GRID2: variants seen among roughly 807,000 people sequenced by gnomAD.
The protein encoded by GRID2 is glutamate ionotropic receptor delta type subunit 2.
GRID2 carries 33 observed loss-of-function variants against 114.8 expected under a neutral mutation model. The observed-to-expected ratio is 0.29, with a 90% CI of 0.22 to 0.38. The LOEUF (loss-of-function observed/expected upper bound fraction) is 0.38. Among genes scored for constraint, GRID2 ranks in the 10% least tolerant of loss-of-function variants. The pLI is 1.00. For synonymous variants in GRID2, 505 were observed against 449.9 expected (o/e 1.12, Z -1.55); for missense variants, 1,184 against 1,257.7 (o/e 0.94, Z 0.89).
chr4:93,099,003 G>GTGTGTGTGTA (rs1454081017), intron 3 of GRID2, among the ~76,000 whole-genome samples: 1 of 150,610 alleles, frequency 6.6e-6, no homozygotes, highest in Non-Finnish European at 1.5e-5. Flanking sequence ...GTGTGTGTGT[G>GTGTGTGTGTA]TGTGTGTGTG....
At chr4:92,746,874 C>T (rs1280929738) in intron 2 of GRID2, among the ~76,000 whole-genome samples, 1 of 152,018 alleles carries the variant, frequency 6.6e-6, no homozygotes, top group Non-Finnish European at 1.5e-5. Context: ...TTCCTTTAAC[C>T]CATCGGGCCT....
At chr4:93,331,057 T>C (rs2149227967) in intron 8 of GRID2, among the ~76,000 whole-genome samples, 1 of 151,848 alleles carries the variant, frequency 6.6e-6, no homozygotes, top group East Asian at 1.9e-4. Context: ...TTCAAAACTC[T>C]CCAAAATCTC....
At chr4:93,484,954 A>G (rs1726239197) in intron 11 of GRID2, among the ~76,000 whole-genome samples, 1 of 151,868 alleles carries the variant, frequency 6.6e-6, no homozygotes, top group South Asian at 2.1e-4. Context: ...AATGGGGGAA[A>G]TTTCTGTATT....
rs1296573614 is a variant in GRID2 at position 93,644,164 on chromosome 4, CT to C, written c.2360+17731del. On this transcript the variant is annotated intron_variant, in intron 14 of 15. Transcript: ENST00000282020. ...CCAGGTGAGGCAATGCCTCGCCCTGCTTCGGCTCGCGCACGGTGCGCACACA... is the reference window on the plus strand; with the variant it reads ...CCAGGTGAGGCAATGCCTCGCCCTGCTCGGCTCGCGCACGGTGCGCACACA... 2.3e-5 allele frequency among the ~76,000 whole-genome samples: 2 copies of C among 88,832 alleles called. 1 individual carries two copies. The highest frequency in any genetic ancestry group is 4.3e-5 in the Non-Finnish European group (2 of 46,106). 58.3% of individuals were successfully genotyped at this position (88,832 alleles called of 152,430 possible).
At chr4:92,763,482 C>T (rs1351997459) in intron 2 of GRID2, among the ~76,000 whole-genome samples, 1 of 152,118 alleles carries the variant, frequency 6.6e-6, no homozygotes. Context: ...TAAAACAATA[C>T]ACATTTAAAA....
intron 1 of GRID2, among the ~76,000 whole-genome samples, chr4:92,363,846 A>C (rs1451037591): frequency 6.9e-6 from 1 of 144,732 alleles, no homozygotes; most frequent in Non-Finnish European, 1.5e-5. Context: ...TTCTGACAGA[A>C]TCTCCCTTTA....
intron 8 of GRID2, among the ~76,000 whole-genome samples, chr4:93,377,618 GT>G (rs1763491956): frequency 6.6e-6 from 1 of 152,110 alleles, no homozygotes; most frequent in Non-Finnish European, 1.5e-5. Flanking sequence ...AATAGTGCTT[GT>G]CATTTTTTAC....
intron 2 of GRID2, among the ~76,000 whole-genome samples, chr4:92,621,937 T>C (rs62307909): frequency 0.047 from 7,142 of 151,684 alleles, 207 homozygotes; most frequent in East Asian, 0.094. Context: ...ATGATGACAG[T>C]TTGGTTTAGA....
chr4:92,316,696 T>A (rs1443780186), intron 1 of GRID2, among the ~76,000 whole-genome samples: 4 of 152,196 alleles, frequency 2.6e-5, no homozygotes, highest in African/African-American at 9.6e-5. Flanking sequence ...GCTGAACGAC[T>A]GTGGTCTACT....
rs549899131 is a variant in GRID2 at position 92,471,644 on chromosome 4, TAAAC to T, written c.89-118483_89-118480del. Among the ~76,000 whole-genome samples the T allele has an allele frequency of 8.8e-3, 1,346 of 152,196 alleles. 9 individuals are homozygous for T. The highest frequency in any genetic ancestry group is 0.027 in the Middle Eastern group (8 of 294). On this transcript the variant is annotated intron_variant, in intron 1 of 15. Transcript: ENST00000282020. ...ATTGTATGACCAGCATATACTAACTTAAACAAATTTAAATTGTACACTTTGATAA... is the reference window on the plus strand; with the variant it reads ...ATTGTATGACCAGCATATACTAACTTAAATTTAAATTGTACACTTTGATAA...
intron 8 of GRID2, chr4:93,259,026 G>A (rs1749944587): frequency 2.5e-6 from 1 of 395,450 alleles, no homozygotes; most frequent in African/African-American, 2.1e-5. Context: ...TTCACAGAAA[G>A]GGAAAAAAGA....
intron 1 of GRID2, among the ~76,000 whole-genome samples, chr4:92,519,532 C>T (rs1579507174): frequency 6.6e-6 from 1 of 151,304 alleles, no homozygotes; most frequent in Non-Finnish European, 1.5e-5. Flanking sequence ...AGCTCTTGTA[C>T]TGAATCCCTC....
intron 2 of GRID2, among the ~76,000 whole-genome samples, chr4:92,707,373 A>C (rs1735003725): frequency 6.6e-6 from 1 of 152,144 alleles, no homozygotes; most frequent in Non-Finnish European, 1.5e-5. Context: ...TTTGACATAA[A>C]GATCTGAAAA....
At chr4:93,769,150 T>C in intron 14 of GRID2, 60 bp from the exon 15 acceptor site, 1 of 1,570,418 alleles carries the variant, frequency 6.4e-7, no homozygotes, top group Non-Finnish European at 8.7e-7. Context: ...AATGGATGTG[T>C]TGTGAACCAG....
intron 14 of GRID2, among the ~76,000 whole-genome samples, chr4:93,688,636 T>C (rs959490888): frequency 6.6e-6 from 1 of 152,062 alleles, no homozygotes; most frequent in African/African-American, 2.4e-5. Flanking sequence ...TATTTCTTCC[T>C]TTAAGGATGA....
intron 2 of GRID2, among the ~76,000 whole-genome samples, chr4:92,603,007 C>A (rs1243330484): frequency 6.6e-6 from 1 of 152,056 alleles, no homozygotes; most frequent in Non-Finnish European, 1.5e-5. Context: ...AGTGAAGGAC[C>A]TCTTCAAGGA....
At chr4:93,378,965 T>A (rs1245932631) in intron 8 of GRID2, among the ~76,000 whole-genome samples, 2 of 152,104 alleles carry the variant, frequency 1.3e-5, no homozygotes, top group Non-Finnish European at 2.9e-5. Flanking sequence ...AGGTCCAAGA[T>A]TGATTAATGA....
chr4:93,229,780 A>C (rs1343839054), intron 7 of GRID2, among the ~76,000 whole-genome samples: 1 of 152,144 alleles, frequency 6.6e-6, no homozygotes, highest in East Asian at 1.9e-4. Flanking sequence ...ACATAGTAGT[A>C]TAAATGTCTA....
chr4:92,721,682 T>C (rs1396208129), intron 2 of GRID2, among the ~76,000 whole-genome samples: 1 of 152,160 alleles, frequency 6.6e-6, no homozygotes, highest in Non-Finnish European at 1.5e-5. Flanking sequence ...GCATGTCCTC[T>C]GTAAGAATAC....
Sources: gnomAD v4.1 joint callset for allele counts (sites outside exome capture counted in the v4.1 genomes callset) on GRCh38, gnomAD v4.1.1 for gene constraint, MANE v1.5 for transcripts, NCBI Gene and HGNC (gene_info 2026-07-23, HGNC 2026-07-21) for gene names.